The following TPCN1 variants were observed in gnomAD, a reference collection of about 807,000 sequenced individuals.
TPCN1 encodes the protein two pore channel protein 1.
A neutral mutation model predicts 108.8 loss-of-function variants in TPCN1; 52 were observed. The observed-to-expected ratio is 0.48, with a 90% CI of 0.38 to 0.60. The LOEUF (loss-of-function observed/expected upper bound fraction) is 0.60. Among genes scored for constraint, TPCN1 ranks in the 20% least tolerant of loss-of-function variants. TPCN1 has a pLI of 0.00. For synonymous variants in TPCN1, 446 were observed against 433.7 expected (o/e 1.03, Z -0.35); for missense variants, 806 against 1,072.8 (o/e 0.75, Z 3.47).
rs1956194665 is a variant in TPCN1 at position 113,289,409 on chromosome 12, T to G, written c.1796+562T>G. ...CTCAAGCACCGATGAAGAAACAGTT[T>G]TACAAAGACACTGGTAGCTTTGAGA... On this transcript the variant is annotated intron_variant, in intron 21 of 27. Transcript: ENST00000335509. This position sits in a 1 kb window ranked among gnomAD's most constrained non-coding sequence, Gnocchi z 4.1. Among the ~76,000 whole-genome samples the G allele has an allele frequency of 6.6e-6, 1 of 152,202 alleles. No homozygotes were observed. Among genetic ancestry groups the G allele is most frequent in the Non-Finnish European group, 1.5e-5 (1 of 68,036 alleles).
Position 113,226,766 on chromosome 12 carries a change from T to C in TPCN1, c.-87T>C. 6.3e-7 allele frequency: 1 copy of C among 1,594,334 alleles called. No individual in the cohort carries two copies. The highest frequency in any genetic ancestry group is 8.5e-7 in the Non-Finnish European group (1 of 1,169,954). On this transcript the variant is annotated 5_prime_UTR_variant, in exon 2 of 28. Transcript: ENST00000335509. Reference sequence around the variant, plus strand: ...TGGAGGAGTTTCTGAGCAGCACCCCTGGCCCAGTGGCTTTGAAAGGGAGCT... The same window carrying C: ...TGGAGGAGTTTCTGAGCAGCACCCCCGGCCCAGTGGCTTTGAAAGGGAGCT...
intron 7 of TPCN1, among the ~76,000 whole-genome samples, chr12:113,270,471 G>GTTTGC (rs1403937479): frequency 6.6e-6 from 1 of 150,616 alleles, no homozygotes; most frequent in South Asian, 2.1e-4. Context: ...CCTCTTTTTT[G>GTTTGC]TTTGTTTTGT....
intron 7 of TPCN1, among the ~76,000 whole-genome samples, chr12:113,270,710 AC>A (rs1333524290): frequency 6.6e-6 from 1 of 151,874 alleles, no homozygotes; most frequent in Non-Finnish European, 1.5e-5. Flanking sequence ...CCAACTCCTG[AC>A]CTTGTGATCC....
intron 14 of TPCN1, among the ~76,000 whole-genome samples, chr12:113,279,810 C>G (rs529184123): frequency 9.9e-5 from 15 of 152,070 alleles, no homozygotes; most frequent in African/African-American, 3.6e-4. Flanking sequence ...ATTGGGTGCT[C>G]GTATTATTTA....
intron 1 of TPCN1, chr12:113,225,228 A>T (rs930170122): frequency 4.4e-6 from 2 of 451,442 alleles, no homozygotes; most frequent in South Asian, 1.6e-5. Flanking sequence ...CTAATTTAAA[A>T]TTTTTTATTT....
Position 113,291,964 on chromosome 12 carries a change from T to C in TPCN1, c.2113+6T>C, listed in dbSNP as rs756336156. On this transcript the variant is annotated splice_donor_region_variant and intron_variant, in intron 25 of 27. Coordinates refer to ENST00000335509, the MANE Select transcript of TPCN1 (RefSeq NM_017901.6). ...CAAGAACCAGGACTCGGAAGGTCTG[T>C]GCAGGGATGATGCCTTGGGCATTTG... 2 of 1,613,788 alleles carry C rather than the reference T, an allele frequency of 1.2e-6. No homozygotes were observed. Among genetic ancestry groups the C allele is most frequent in the South Asian group, 2.2e-5 (2 of 91,076 alleles).
chr12:113,267,244 C>G (rs145123470), intron 4 of TPCN1, among the ~76,000 whole-genome samples: 15 of 152,264 alleles, frequency 9.9e-5, no homozygotes, highest in Non-Finnish European at 2.1e-4. Context: ...AGGGGCTGCT[C>G]TCTGCTTGAC....
intron 2 of TPCN1, among the ~76,000 whole-genome samples, chr12:113,240,159 C>T (rs1367778602): frequency 3.3e-5 from 5 of 152,180 alleles, no homozygotes; most frequent in Non-Finnish European, 7.3e-5. Context: ...TTTATGAGTG[C>T]TAAAGTCCAC....
At chr12:113,291,570 A>G (rs115275001) in intron 23 of TPCN1, 39 bp from the exon 24 acceptor site, 2 of 1,590,604 alleles carry the variant, frequency 1.3e-6, no homozygotes, top group Non-Finnish European at 8.6e-7. Flanking sequence ...CCTGCCCTGC[A>G]TGGGCACCCC....
chr12:113,292,023 C>A, intron 25 of TPCN1, 65 bp downstream of exon 25: 1 of 1,415,330 alleles, frequency 7.1e-7, no homozygotes, highest in Non-Finnish European at 1.0e-6. Context: ...GTCTGTCTGT[C>A]TGGGTGGCTG....
intron 19 of TPCN1, among the ~76,000 whole-genome samples, chr12:113,287,924 C>G (rs1387018910): frequency 1.3e-5 from 2 of 152,134 alleles, no homozygotes; most frequent in Non-Finnish European, 2.9e-5. Context: ...CCCTGCTCCT[C>G]TTCGTGGAAG....
In TPCN1 at chr12:113,266,498, C is replaced by T; in HGVS notation, c.414+142C>T. On this transcript the variant is annotated intron_variant, in intron 4 of 27. Transcript: ENST00000335509. This position sits in a 1 kb window ranked among gnomAD's most constrained non-coding sequence, Gnocchi z 4.2. Reference sequence around the variant, plus strand: ...AGAGATACGAGGTGGTCATAGAGGCCTTGGGAGCGGAAATGCCTGGGTGTC... The same window carrying T: ...AGAGATACGAGGTGGTCATAGAGGCTTTGGGAGCGGAAATGCCTGGGTGTC... 1 of 1,149,886 alleles carries T rather than the reference C, an allele frequency of 8.7e-7. No individual in the cohort carries two copies. Among genetic ancestry groups the T allele is most frequent in the Non-Finnish European group, 1.2e-6 (1 of 811,610 alleles). 71.2% of individuals were successfully genotyped at this position (1,149,886 alleles called of 1,614,324 possible).
intron 3 of TPCN1, among the ~76,000 whole-genome samples, chr12:113,261,291 G>T (rs1955020583): frequency 6.6e-6 from 1 of 150,426 alleles, no homozygotes; most frequent in Non-Finnish European, 1.5e-5. Flanking sequence ...GGCAGTCACT[G>T]TCAACATTAT....
intron 14 of TPCN1, 99 bp downstream of exon 14, chr12:113,278,934 G>C (rs1955768201): frequency 2.0e-6 from 2 of 1,023,070 alleles, no homozygotes; most frequent in Non-Finnish European, 3.1e-6. Flanking sequence ...AGAGGGGTGT[G>C]TGTGTGTGTG....
chr12:113,233,021 A>G (rs1953746236), intron 2 of TPCN1, among the ~76,000 whole-genome samples: 1 of 152,170 alleles, frequency 6.6e-6, no homozygotes. Context: ...ACCAAGGCAG[A>G]GCGTCGGGTG....
At chr12:113,260,024 G>A (rs917888565) in intron 2 of TPCN1, among the ~76,000 whole-genome samples, 2 of 152,210 alleles carry the variant, frequency 1.3e-5, no homozygotes, top group African/African-American at 2.4e-5. Flanking sequence ...CTTGTAGGGC[G>A]ACTGATTTCA....
intron 22 of TPCN1, among the ~76,000 whole-genome samples, chr12:113,290,698 A>G (rs1367509062): frequency 6.6e-6 from 1 of 152,180 alleles, no homozygotes; most frequent in East Asian, 1.9e-4. Context: ...ACCCAGTAAG[A>G]TCCAGATAGT....
chr12:113,276,828 C>A, intron 10 of TPCN1, 91 bp from the exon 11 acceptor site: 1 of 856,130 alleles, frequency 1.2e-6, no homozygotes, highest in Non-Finnish European at 2.0e-6. Context: ...TGGGTAAGAG[C>A]CTTGCCTAGA....
intron 2 of TPCN1, among the ~76,000 whole-genome samples, chr12:113,248,189 C>T (rs571231303): frequency 1.6e-4 from 24 of 152,378 alleles, no homozygotes; most frequent in African/African-American, 4.3e-4. Flanking sequence ...CCAGGCCCCA[C>T]GGATGGCTCC....
Sources: allele counts gnomAD v4.1 joint callset (sites outside exome capture counted in the v4.1 genomes callset), GRCh38; gene constraint gnomAD v4.1.1; non-coding constraint Gnocchi (gnomAD v3.1); transcripts MANE v1.5; gene names NCBI Gene and HGNC (gene_info 2026-07-23, HGNC 2026-07-21).